The following GPC6 variants were observed in gnomAD, a reference collection of about 807,000 sequenced individuals.
The protein encoded by GPC6 is glypican-6.
In GPC6, 14 loss-of-function variants were observed where a neutral mutation model predicts 55.2. The ratio of observed to expected loss-of-function variants is 0.25; its 90% confidence interval spans 0.17 to 0.40. The LOEUF (loss-of-function observed/expected upper bound fraction) is 0.40, where lower values mean the gene tolerates loss of function less well. Ranked by LOEUF, GPC6 falls within the 10% of genes least tolerant of loss-of-function variation. The pLI, the probability that GPC6 is intolerant of heterozygous loss-of-function variation, is 1.00. For missense variants in GPC6, 641 were observed against 708.5 expected, an observed-to-expected ratio of 0.90 and a Z score of 1.08; for synonymous variants, 278 against 259.6, an observed-to-expected ratio of 1.07 and a Z score of -0.68.
intron 2 of GPC6, among the ~76,000 whole-genome samples, chr13:93,703,270 G>A (rs564039558): frequency 1.6e-4 from 25 of 151,916 alleles, no homozygotes; most frequent in Non-Finnish European, 3.1e-4. Context: ...CACATTTATT[G>A]ATGAAGTTCA....
At chr13:94,169,812 C>A (rs1344456266) in intron 4 of GPC6, among the ~76,000 whole-genome samples, 2 of 151,978 alleles carry the variant, frequency 1.3e-5, no homozygotes, top group East Asian at 1.9e-4. Flanking sequence ...GCTGCAGGAG[C>A]CTTATGTGCT....
chr13:94,193,062 CGTGT>C (rs66612458), intron 4 of GPC6, among the ~76,000 whole-genome samples: 80,724 of 148,384 alleles, frequency 0.54, 23,693 homozygotes, highest in Non-Finnish European at 0.68. Context: ...TGAGACTCCT[CGTGT>C]GTGTGTGTGT....
chr13:93,692,171 T>C (rs1882282275), intron 2 of GPC6, among the ~76,000 whole-genome samples: 1 of 152,082 alleles, frequency 6.6e-6, no homozygotes, highest in African/African-American at 2.4e-5. Context: ...CTGTGTTGCC[T>C]TTTGCCCATG....
intron 4 of GPC6, among the ~76,000 whole-genome samples, chr13:94,068,492 C>T (rs1465839200): frequency 6.6e-6 from 1 of 152,186 alleles, no homozygotes; most frequent in African/African-American, 2.4e-5. Flanking sequence ...ACCGTGCCTT[C>T]CCAACAGTCC....
chr13:94,095,769 G>T (rs546864471), intron 4 of GPC6, among the ~76,000 whole-genome samples: 2 of 152,174 alleles, frequency 1.3e-5, no homozygotes, highest in Non-Finnish European at 2.9e-5. Context: ...GGCAGGGAGA[G>T]AACATTTAAT....
At chr13:93,935,567 G>A (rs1878395011) in intron 3 of GPC6, among the ~76,000 whole-genome samples, 1 of 152,152 alleles carries the variant, frequency 6.6e-6, no homozygotes, top group Admixed American at 6.6e-5. Context: ...ACATATGAGT[G>A]CAGGAAATTT....
intron 2 of GPC6, among the ~76,000 whole-genome samples, chr13:93,684,382 T>C (rs1881966142): frequency 1.3e-5 from 2 of 152,056 alleles, no homozygotes; most frequent in Admixed American, 6.6e-5. Context: ...GAGGTGGGAT[T>C]TCATCATGTT....
At chr13:93,736,355 T>C (rs1247284079) in intron 2 of GPC6, among the ~76,000 whole-genome samples, 2 of 152,224 alleles carry the variant, frequency 1.3e-5, no homozygotes, top group Non-Finnish European at 2.9e-5. Flanking sequence ...CTATGAGTAA[T>C]AGGGCTGCTA....
At chr13:93,454,764 G>T (rs1878372165) in intron 1 of GPC6, among the ~76,000 whole-genome samples, 1 of 152,360 alleles carries the variant, frequency 6.6e-6, no homozygotes, top group South Asian at 2.1e-4. Context: ...GGAGCTGCCT[G>T]CCAGTCCCGC....
intron 1 of GPC6, among the ~76,000 whole-genome samples, chr13:93,373,463 A>G (rs1033931364): frequency 7.2e-5 from 11 of 152,282 alleles, no homozygotes; most frequent in African/African-American, 2.6e-4. Flanking sequence ...TTTGACTTTT[A>G]ATTCCTCTGG....
chr13:94,295,827 A>G (rs1875304039), intron 5 of GPC6, among the ~76,000 whole-genome samples: 1 of 152,034 alleles, frequency 6.6e-6, no homozygotes, highest in East Asian at 1.9e-4. Flanking sequence ...TTTACATTCT[A>G]TTTCTACTTC....
intron 1 of GPC6, among the ~76,000 whole-genome samples, chr13:93,427,388 G>A (rs1217653740): frequency 6.6e-6 from 1 of 151,482 alleles, no homozygotes; most frequent in Non-Finnish European, 1.5e-5. Context: ...GCATGGTACT[G>A]GTACCAAAAC....
chr13:93,247,126 A>G (rs182178386), intron 1 of GPC6, among the ~76,000 whole-genome samples: 8 of 152,206 alleles, frequency 5.3e-5, no homozygotes, highest in Admixed American at 3.3e-4. Context: ...TCTTTGCAGT[A>G]CCCTTAGGAG....
intron 1 of GPC6, among the ~76,000 whole-genome samples, chr13:93,277,564 C>A (rs556173758): frequency 6.6e-6 from 1 of 152,102 alleles, no homozygotes; most frequent in Admixed American, 6.6e-5. Context: ...TCCTCAAATC[C>A]CCATCTGAGC....
intron 3 of GPC6, among the ~76,000 whole-genome samples, chr13:94,013,259 T>C (rs996361363): frequency 6.6e-6 from 1 of 152,140 alleles, no homozygotes; most frequent in Non-Finnish European, 1.5e-5. Flanking sequence ...ATTTAAATGC[T>C]AAATTTGGAA....
At chr13:93,813,358 C>T (rs1886755228) in intron 2 of GPC6, among the ~76,000 whole-genome samples, 1 of 152,048 alleles carries the variant, frequency 6.6e-6, no homozygotes, top group Non-Finnish European at 1.5e-5. Flanking sequence ...GTGGAGGTTG[C>T]AGTGAGCCGA....
In GPC6 at chr13:94,035,777, G is replaced by A. The variant is rs553149130; in HGVS notation, c.877+7883G>A. Among the ~76,000 whole-genome samples the A allele has an allele frequency of 3.3e-5, 5 of 152,056 alleles. No individual in the cohort carries two copies. In the East Asian group the frequency reaches 5.8e-4, roughly 18 times the overall value. Reference sequence around the variant, plus strand: ...GCACTTAGACTTCTTTTCTGACATAGTATTTACTTTGAATATGTGTGTGTG... The same window carrying A: ...GCACTTAGACTTCTTTTCTGACATAATATTTACTTTGAATATGTGTGTGTG... On this transcript the variant is annotated intron_variant, in intron 4 of 8. Transcript: ENST00000377047.
intron 1 of GPC6, among the ~76,000 whole-genome samples, chr13:93,287,557 A>G (rs1878177595): frequency 6.6e-6 from 1 of 152,220 alleles, no homozygotes; most frequent in Admixed American, 6.5e-5. Context: ...CATCACTTCA[A>G]CCCATTCAAA....
At chr13:93,988,012 A>G (rs937143404) in intron 3 of GPC6, among the ~76,000 whole-genome samples, 1 of 152,018 alleles carries the variant, frequency 6.6e-6, no homozygotes, top group South Asian at 2.1e-4. Context: ...ACATCCCTCC[A>G]TGACTCTCTT....
Sources: allele counts gnomAD v4.1 joint callset (sites outside exome capture counted in the v4.1 genomes callset), GRCh38; gene constraint gnomAD v4.1.1; transcripts MANE v1.5; gene names NCBI Gene and HGNC (gene_info 2026-07-23, HGNC 2026-07-21).